The following RIPK2 variants were observed in gnomAD, a reference collection of about 807,000 sequenced individuals.
RIPK2 encodes the protein receptor-interacting serine/threonine-protein kinase 2.
Under a neutral mutation model 60.9 loss-of-function variants are expected in RIPK2, and 38 were observed. That is an observed-to-expected ratio of 0.62 (90% CI 0.48 to 0.82). The LOEUF (loss-of-function observed/expected upper bound fraction) is 0.82. Ranked by LOEUF, RIPK2 falls within the 40% of genes least tolerant of loss-of-function variation. RIPK2 has a pLI of 0.00. For missense variants in RIPK2, 518 were observed against 647.0 expected (o/e 0.80, Z 2.16); for synonymous variants, 225 against 223.4 (o/e 1.01, Z -0.06).
chr8:89,780,259 T>G, intron 7 of RIPK2, 99 bp downstream of exon 7: 2 of 585,302 alleles, frequency 3.4e-6, no homozygotes, highest in Non-Finnish European at 5.9e-6. Flanking sequence ...ATATATACTT[T>G]ACACAGATAT....
Position 89,760,783 on chromosome 8 carries a change from A to G in RIPK2, c.174-2046A>G, listed in dbSNP as rs192351421. Among the ~76,000 whole-genome samples, 748 of 152,346 alleles carry G rather than the reference A, an allele frequency of 4.9e-3. 4 individuals are homozygous for G. Among genetic ancestry groups the G allele is most frequent in the Middle Eastern group, 0.014 (4 of 294 alleles). On this transcript the variant is annotated intron_variant, in intron 1 of 10. Coordinates refer to ENST00000220751, the MANE Select transcript of RIPK2 (RefSeq NM_003821.6). ...GCATATAAAGTGACTGACATGTAAT[A>G]GGGTCACAGTGGAAAGAAGAATGCC...
chr8:89,763,988 T>C (rs571986268), intron 2 of RIPK2, among the ~76,000 whole-genome samples: 1 of 152,170 alleles, frequency 6.6e-6, no homozygotes, highest in South Asian at 2.1e-4. Context: ...GCACCCAAAT[T>C]TGCAGCTCGC....
chr8:89,762,261 A>G (rs946870220), intron 1 of RIPK2, among the ~76,000 whole-genome samples: 4 of 152,172 alleles, frequency 2.6e-5, no homozygotes, highest in African/African-American at 9.6e-5. Flanking sequence ...CCAGCAGTCT[A>G]TTAATATTAT....
intron 3 of RIPK2, among the ~76,000 whole-genome samples, chr8:89,766,720 C>T (rs1435865505): frequency 6.6e-6 from 1 of 151,582 alleles, no homozygotes; most frequent in African/African-American, 2.4e-5. Flanking sequence ...AGTGATATCT[C>T]ATCTTGGTAT....
In RIPK2 at chr8:89,757,879, G is replaced by A. The variant is rs1013054090; in HGVS notation, c.-182G>A. 4.5e-5 allele frequency: 61 copies of A among 1,368,118 alleles called. No homozygotes were observed. The highest frequency in any genetic ancestry group is 1.0e-4 in the Admixed American group (3 of 29,686). 84.7% of individuals were successfully genotyped at this position (1,368,118 alleles called of 1,614,324 possible). On this transcript the variant is annotated 5_prime_UTR_variant, in exon 1 of 11. Coordinates refer to ENST00000220751, the MANE Select transcript of RIPK2 (RefSeq NM_003821.6). Reference sequence around the variant, plus strand: ...AAGAAGTCAGCTCTGGTTCGGAGAAGCAGCGGCTGGCGTGGGCCATCCGGG... The same window carrying A: ...AAGAAGTCAGCTCTGGTTCGGAGAAACAGCGGCTGGCGTGGGCCATCCGGG...
chr8:89,781,194 C>G (rs1431422355), intron 7 of RIPK2, among the ~76,000 whole-genome samples: 5 of 151,828 alleles, frequency 3.3e-5, no homozygotes. Context: ...GTTGCTGGAT[C>G]TAGTGACATA....
At chr8:89,783,770 T>C (rs115148476) in intron 7 of RIPK2, among the ~76,000 whole-genome samples, 34 of 152,246 alleles carry the variant, frequency 2.2e-4, no homozygotes, top group African/African-American at 7.9e-4. Context: ...TCTAGAACCA[T>C]CCTGCATGTA....
chr8:89,772,818 A>G lies in RIPK2; in HGVS notation c.843A>G (p.Pro281=), dbSNP rs200162747. The G allele has an allele frequency of 3.1e-6, 5 of 1,604,736 alleles. No homozygotes were observed. The highest frequency in any genetic ancestry group is 1.3e-5 in the African/African-American group (1 of 74,386). Residue 281 remains proline, a synonymous_variant, in exon 6 of 11, where the codon CCA becomes CCG. Transcript: ENST00000220751. ...GGGCACAAAATCCAGATGAAAGACC[A>G]TCTTTCTTAAGTGAGTATATAGTTT... ...SGWAQNPDER[P]SFLKCLIELE...
At chr8:89,784,593 A>G (rs552763469) in intron 8 of RIPK2, among the ~76,000 whole-genome samples, 1 of 152,336 alleles carries the variant, frequency 6.6e-6, no homozygotes, top group South Asian at 2.1e-4. Context: ...TTAAGAATGT[A>G]TATGTATGTT....
intron 6 of RIPK2, among the ~76,000 whole-genome samples, chr8:89,776,020 T>C (rs1253346619): frequency 6.6e-6 from 1 of 152,140 alleles, no homozygotes; most frequent in Non-Finnish European, 1.5e-5. Context: ...TTAGTAGCAT[T>C]TTACCCCTAC....
chr8:89,789,454 A>C lies in RIPK2; in HGVS notation c.1257A>C (p.Ile419=). ...HKTTPCSSAI[I]NPLSTAGNSE... is the part of the protein sequence containing the mutation. ...CCACTCCATGCTCTTCAGCAATAAT[A>C]AATCCACTCTCAACTGCAGGAAACT... The change falls in exon 10 of 11, where the codon ATA becomes ATC. Residue 419 remains isoleucine (I), a synonymous_variant. Transcript: ENST00000220751. The C allele has an allele frequency of 6.2e-7, 1 of 1,613,872 alleles. No individual in the cohort carries two copies. Among genetic ancestry groups the C allele is most frequent in the East Asian group, 2.2e-5 (1 of 44,876 alleles).
intron 6 of RIPK2, among the ~76,000 whole-genome samples, chr8:89,777,098 A>T (rs567969668): frequency 1.3e-5 from 2 of 152,316 alleles, no homozygotes; most frequent in East Asian, 3.9e-4. Flanking sequence ...TTCATAGGAC[A>T]TTGCACCAGA....
intron 1 of RIPK2, among the ~76,000 whole-genome samples, chr8:89,758,574 T>C (rs145365771): frequency 6.6e-6 from 1 of 152,292 alleles, no homozygotes; most frequent in African/African-American, 2.4e-5. Context: ...TTTACTGAAA[T>C]TGATGTGTGT....
At chr8:89,789,536 T>C in intron 10 of RIPK2, 54 bp downstream of exon 10, 1 of 1,500,908 alleles carries the variant, frequency 6.7e-7, no homozygotes, top group African/African-American at 1.4e-5. Flanking sequence ...CTTACATATC[T>C]GTGTTCAGTG....
At chr8:89,759,383 C>T (rs1266639890) in intron 1 of RIPK2, 1 of 456,170 alleles carries the variant, frequency 2.2e-6, no homozygotes, top group East Asian at 6.9e-5. Flanking sequence ...ACAACATTCT[C>T]TTCTCCTCCT....
chr8:89,758,346 A>G, intron 1 of RIPK2, 113 bp downstream of exon 1: 1 of 1,078,008 alleles, frequency 9.3e-7, no homozygotes, highest in Non-Finnish European at 1.3e-6. Flanking sequence ...GGCCGGCCTC[A>G]CCTCGTCACC....
intron 9 of RIPK2, among the ~76,000 whole-genome samples, chr8:89,788,727 A>C (rs1374918035): frequency 2.0e-5 from 3 of 151,896 alleles, no homozygotes; most frequent in Non-Finnish European, 1.5e-5. Flanking sequence ...CAGTGAGCTG[A>C]GATCGCAACC....
In RIPK2 at chr8:89,757,853, A is replaced by G; in HGVS notation, c.-208A>G. The G allele has an allele frequency of 7.5e-7, 1 of 1,328,778 alleles. No individual in the cohort carries two copies. The highest frequency in any genetic ancestry group is 9.6e-7 in the Non-Finnish European group (1 of 1,039,900). The allele number at this position is 1,328,778 out of a possible 1,614,324, so 82.3% of individuals were successfully genotyped here. On this transcript the variant is annotated 5_prime_UTR_variant, in exon 1 of 11. Transcript: ENST00000220751. ...TACGGCGTTGGCACCAGTCTCTAGA[A>G]AAGAAGTCAGCTCTGGTTCGGAGAA...
In RIPK2 at chr8:89,764,745, A is replaced by G. The variant is rs370814955; in HGVS notation, c.328-596A>G. On this transcript the variant is annotated intron_variant, in intron 2 of 10. Coordinates refer to ENST00000220751, the MANE Select transcript of RIPK2 (RefSeq NM_003821.6). ...TTCCACAAAAACAAAACAAAAGGCT[A>G]ATTTTATAAGCTGGAATGCAGATAA... Among the ~76,000 whole-genome samples, 7 of 152,272 alleles carry G rather than the reference A, an allele frequency of 4.6e-5. No homozygotes were observed. The South Asian group carries it at 1.0e-3, about 23-fold the overall frequency.
Sources: gnomAD v4.1 joint callset for allele counts (sites outside exome capture counted in the v4.1 genomes callset) on GRCh38, gnomAD v4.1.1 for gene constraint, MANE v1.5 for transcripts, NCBI Gene and HGNC (gene_info 2026-07-23, HGNC 2026-07-21) for gene names.